The following LUC7L variants were observed in gnomAD, a reference collection of about 807,000 sequenced individuals.
LUC7L encodes putative RNA-binding protein Luc7-like 1.
A neutral mutation model predicts 51.1 loss-of-function variants in LUC7L; 29 were observed. That is an observed-to-expected ratio of 0.57 (90% confidence interval 0.42 to 0.77). The LOEUF (loss-of-function observed/expected upper bound fraction) is 0.77, where lower values mean the gene tolerates loss of function less well. Among genes scored for constraint, LUC7L ranks in the 30% least tolerant of loss-of-function variants. LUC7L has a pLI of 0.00. For synonymous variants in LUC7L, 181 were observed against 180.7 expected (o/e 1.00, Z -0.01); for missense variants, 403 against 511.9 (o/e 0.79, Z 2.05).
chr16:202,353 G>A (rs1444940521), intron 5 of LUC7L, among the ~76,000 whole-genome samples: 1 of 152,114 alleles, frequency 6.6e-6, no homozygotes, highest in African/African-American at 2.4e-5. Flanking sequence ...CCACCCCCAT[G>A]ACCCAAACAC....
At chr16:204,319 G>A (rs371366782) in intron 5 of LUC7L, among the ~76,000 whole-genome samples, 4 of 150,674 alleles carry the variant, frequency 2.7e-5, no homozygotes, top group East Asian at 3.9e-4. Context: ...GCCATGGGCC[G>A]AGCATGGTGG....
Position 223,017 on chromosome 16 carries a change from T to C in LUC7L, c.157-2270A>G, listed in dbSNP as rs987608682. 4.3e-5 allele frequency among the ~76,000 whole-genome samples: 6 copies of C among 139,678 alleles called. No individual in the cohort carries two copies. The East Asian group carries it at 1.3e-3, about 30-fold the overall frequency. The allele number at this position is 139,678 out of a possible 152,430, so 91.6% of individuals were successfully genotyped here. ...TAATCCATCTTGAGGGGGAAAAAAATAGAGAGGCTTGCATGTCTGACTCTT... is the reference window on the plus strand; with the variant it reads ...TAATCCATCTTGAGGGGGAAAAAAACAGAGAGGCTTGCATGTCTGACTCTT... On this transcript the variant is annotated intron_variant, in intron 2 of 9. Coordinates refer to ENST00000293872, the MANE Select transcript of LUC7L (RefSeq NM_201412.3).
intron 6 of LUC7L, among the ~76,000 whole-genome samples, chr16:194,258 C>T (rs1596598608): frequency 6.6e-6 from 1 of 152,184 alleles, no homozygotes; most frequent in Non-Finnish European, 1.5e-5. Flanking sequence ...GCGTGTGCCA[C>T]CATGGCAGAC....
At chr16:210,289 A>G (rs888512594) in intron 3 of LUC7L, among the ~76,000 whole-genome samples, 12 of 152,292 alleles carry the variant, frequency 7.9e-5, no homozygotes, top group Non-Finnish European at 7.4e-5. Context: ...CTCCCTCTCA[A>G]AAAAATACAT....
At chr16:216,383 T>G (rs938149004) in intron 3 of LUC7L, among the ~76,000 whole-genome samples, 8 of 132,348 alleles carry the variant, frequency 6.0e-5, no homozygotes, top group South Asian at 4.9e-4. Flanking sequence ...AATAGTTGTT[T>G]TTTTTTTTTT....
chr16:214,582 A>G (rs1005109499), intron 3 of LUC7L, among the ~76,000 whole-genome samples: 7 of 152,210 alleles, frequency 4.6e-5, no homozygotes, highest in African/African-American at 1.7e-4. Flanking sequence ...GCTGGAGCAC[A>G]GTGGTGCAAG....
chr16:214,632 T>C (rs1249920122), intron 3 of LUC7L, among the ~76,000 whole-genome samples: 1 of 152,202 alleles, frequency 6.6e-6, no homozygotes, highest in Non-Finnish European at 1.5e-5. Context: ...GCTCAACTGA[T>C]CCTCCAGCCT....
chr16:203,926 G>GA, intron 5 of LUC7L, among the ~76,000 whole-genome samples: 1 of 151,762 alleles, frequency 6.6e-6, no homozygotes, highest in Admixed American at 6.6e-5. Context: ...TGAGGCAGGA[G>GA]AATCGCTTGA....
chr16:225,481 C>T, intron 2 of LUC7L, among the ~76,000 whole-genome samples: 1 of 126,784 alleles, frequency 7.9e-6, no homozygotes, highest in Middle Eastern at 4.5e-3. Context: ...AGCGAAACTC[C>T]GTCTCTTTTT....
At chr16:209,489 C>CAAA (rs5815040) in intron 3 of LUC7L, 64 of 115,492 alleles carry the variant, frequency 5.5e-4, no homozygotes, top group South Asian at 1.5e-3. Context: ...GATTCCATCT[C>CAAA]AAAAAAAAAA....
At chr16:206,282 C>T in intron 4 of LUC7L, 135 bp from the exon 5 acceptor site, 1 of 787,496 alleles carries the variant, frequency 1.3e-6, no homozygotes, top group Non-Finnish European at 2.0e-6. Context: ...ACAATGAAGG[C>T]ATCCTTACTG....
At chr16:215,764 CTG>C (rs1330950503) in intron 3 of LUC7L, among the ~76,000 whole-genome samples, 1 of 152,042 alleles carries the variant, frequency 6.6e-6, no homozygotes, top group African/African-American at 2.4e-5. Context: ...GATCATGCCA[CTG>C]TACTCCAGCC....
chr16:212,313 G>A (rs1438498321), intron 3 of LUC7L, among the ~76,000 whole-genome samples: 1 of 151,974 alleles, frequency 6.6e-6, no homozygotes. Flanking sequence ...AGCCGCAGAG[G>A]AGCTCGTCGG....
chr16:192,227 T>G (rs538701454), intron 7 of LUC7L, among the ~76,000 whole-genome samples: 3 of 152,080 alleles, frequency 2.0e-5, no homozygotes, highest in Non-Finnish European at 4.4e-5. Flanking sequence ...ACCCCTTACC[T>G]GGCTTAAACT....
Position 189,275 on chromosome 16 carries a change from G to A in LUC7L, c.1039C>T (p.Pro347Ser), listed in dbSNP as rs1226732275. 1.2e-6 allele frequency: 2 copies of A among 1,613,612 alleles called. No homozygotes were observed. The highest frequency in any genetic ancestry group is 1.7e-6 in the Non-Finnish European group (2 of 1,179,970). ...TTGGAGCTCTCAAGCCTCCAGTCCG[G>A]GGGCCCTCGCTCGCTCCGCCCGCTC... is the stretch of plus-strand genomic sequence containing the variant. Reference protein sequence around the residue: ...WESGRSERGPPDWRLESSNGK... With the variant: ...WESGRSERGPSDWRLESSNGK... The change falls in exon 10 of 10, where the codon CCG (proline) becomes TCG (serine). Residue 347 changes from proline (P) to serine (S), a missense_variant. Physicochemically the swap from Pro to Ser is moderately conservative, Grantham distance 74. This residue lies in a region of LUC7L where 206 missense variants were observed against 218.3 expected (regional missense o/e 0.94). Coordinates refer to ENST00000293872, the MANE Select transcript of LUC7L (RefSeq NM_201412.3).
chr16:190,173 G>A, intron 8 of LUC7L, 38 bp from the exon 9 acceptor site: 1 of 1,571,316 alleles, frequency 6.4e-7, no homozygotes, highest in South Asian at 1.1e-5. Flanking sequence ...AGACTCTATA[G>A]GTGCCAACAC....
chr16:190,454 A>G, intron 8 of LUC7L, 87 bp downstream of exon 8: 3 of 1,400,692 alleles, frequency 2.1e-6, no homozygotes, highest in Non-Finnish European at 2.0e-6. Context: ...GCCAGGTAAC[A>G]TTTGTAAAGG....
At chr16:192,503 T>G (rs944294375) in intron 7 of LUC7L, among the ~76,000 whole-genome samples, 3 of 36,564 alleles carry the variant, frequency 8.2e-5, no homozygotes, top group Non-Finnish European at 1.8e-4. Context: ...TGCTGTTTAC[T>G]TTTTTTTTTT....
intron 3 of LUC7L, chr16:208,837 G>A (rs946815848): frequency 6.5e-6 from 1 of 153,132 alleles, no homozygotes; most frequent in Non-Finnish European, 1.5e-5. Flanking sequence ...GAAACATTAA[G>A]AGAACTATCA....
Sources: allele counts gnomAD v4.1 joint callset (sites outside exome capture counted in the v4.1 genomes callset), GRCh38; gene constraint gnomAD v4.1.1; regional missense constraint gnomAD v4.1.1; transcripts MANE v1.5; gene names NCBI Gene and HGNC (gene_info 2026-07-23, HGNC 2026-07-21).